DRC12: variants seen among roughly 807,000 people sequenced by gnomAD.
DRC12 encodes dynein regulatory complex subunit 12 homolog.
the DRC12 span, chr11:119,195,336 A>G: frequency 2.4e-6 from 3 of 1,233,868 alleles, no homozygotes; most frequent in Admixed American, 2.1e-5. Context: ...TGTCCTGCAG[A>G]AGGCTGAATT....
chr11:119,193,241 T>A, the DRC12 span: 1 of 1,613,806 alleles, frequency 6.2e-7, no homozygotes. Flanking sequence ...TGGCGACTCA[T>A]CTCTGGGGTG....
chr11:119,193,354 C>G, the DRC12 span: 2 of 938,574 alleles, frequency 2.1e-6, no homozygotes, highest in Admixed American at 4.1e-5. Flanking sequence ...GGAACAGGAG[C>G]ACAAAGGCCT....
the DRC12 span, chr11:119,193,874 C>T: frequency 6.4e-7 from 1 of 1,551,336 alleles, no homozygotes; most frequent in African/African-American, 1.4e-5. Flanking sequence ...CGGGCTTCAT[C>T]CCTCCGTAGA....
At chr11:119,195,168 A>T in the DRC12 span, 1 of 635,726 alleles carries the variant, frequency 1.6e-6, no homozygotes, top group Non-Finnish European at 2.8e-6. Context: ...ACCGACCAGC[A>T]CATAACAGAT....
At chr11:119,191,671 G>C in the DRC12 span, among the ~76,000 whole-genome samples, 1 of 151,750 alleles carries the variant, frequency 6.6e-6, no homozygotes, top group Non-Finnish European at 1.5e-5. Context: ...AGCCAGGCAT[G>C]GTGGCGCACA....
the DRC12 span, chr11:119,190,724 C>T: frequency 6.2e-7 from 1 of 1,613,694 alleles, no homozygotes; most frequent in African/African-American, 1.3e-5. This position sits in a 1 kb window ranked among gnomAD's most constrained non-coding sequence, Gnocchi z 4.2. Context: ...AAGATTTCCT[C>T]ATACTTCGCC....
At chr11:119,194,253 G>T in the DRC12 span, among the ~76,000 whole-genome samples, 360 of 152,018 alleles carry the variant, frequency 2.4e-3, no homozygotes, top group Non-Finnish European at 3.6e-3. Flanking sequence ...GGTGGCTCAC[G>T]CCTGTAATCC....
the DRC12 span, chr11:119,190,699 G>T: frequency 6.2e-7 from 1 of 1,611,530 alleles, no homozygotes; most frequent in South Asian, 1.1e-5. This position sits in a 1 kb window ranked among gnomAD's most constrained non-coding sequence, Gnocchi z 4.2. Context: ...GATCCAGGGG[G>T]TGGTGCTTAC....
chr11:119,195,509 G>A, the DRC12 span: 2 of 1,539,818 alleles, frequency 1.3e-6, no homozygotes, highest in Non-Finnish European at 8.8e-7. Flanking sequence ...CCTGGGAGAA[G>A]GAGGGGACCT....
At chr11:119,192,021 G>C in the DRC12 span, among the ~76,000 whole-genome samples, 1 of 150,358 alleles carries the variant, frequency 6.7e-6, no homozygotes, top group Non-Finnish European at 1.5e-5. Flanking sequence ...TGTTGCCGAG[G>C]CTGGAGTGCA....
the DRC12 span, among the ~76,000 whole-genome samples, chr11:119,191,610 GA>G: frequency 6.6e-6 from 1 of 151,480 alleles, no homozygotes; most frequent in South Asian, 2.1e-4. Context: ...AGTCCGAAAC[GA>G]GCCCGGCCAA....
At chr11:119,194,776 C>CT in the DRC12 span, 5 of 595,002 alleles carry the variant, frequency 8.4e-6, no homozygotes, top group Middle Eastern at 7.9e-4. Flanking sequence ...CACTGCCCAC[C>CT]CTCTCTCATC....
chr11:119,195,025 T>C, the DRC12 span: 7 of 1,529,210 alleles, frequency 4.6e-6, no homozygotes, highest in Admixed American at 5.9e-5. Flanking sequence ...GCCTCAGCTC[T>C]TCATGATCTC....
the DRC12 span, chr11:119,193,449 C>A: frequency 1.0e-6 from 1 of 964,958 alleles, no homozygotes; most frequent in Non-Finnish European, 1.5e-6. Flanking sequence ...CTCCCCCAGT[C>A]CAGCTTTGGA....
At chr11:119,190,657 C>T in the DRC12 span, 40 of 1,588,328 alleles carry the variant, frequency 2.5e-5, no homozygotes, top group African/African-American at 4.6e-4. This position sits in a 1 kb window ranked among gnomAD's most constrained non-coding sequence, Gnocchi z 4.2. Flanking sequence ...GGTTTGTGGG[C>T]ATGGGGGAGT....
At chr11:119,190,705 C>T in the DRC12 span, 6 of 1,612,726 alleles carry the variant, frequency 3.7e-6, no homozygotes, top group South Asian at 6.6e-5. The surrounding 1 kb of genome is among the most constrained non-coding windows in gnomAD (Gnocchi z 4.2). Context: ...GGGGGTGGTG[C>T]TTACGTGTAA....
chr11:119,192,231 C>G, the DRC12 span, among the ~76,000 whole-genome samples: 1 of 152,178 alleles, frequency 6.6e-6, no homozygotes, highest in Admixed American at 6.5e-5. Context: ...TTGCCTTGGC[C>G]TCCCAAAGTG....
At chr11:119,194,532 A>AG in the DRC12 span, among the ~76,000 whole-genome samples, 1 of 139,212 alleles carries the variant, frequency 7.2e-6, no homozygotes, top group South Asian at 2.4e-4. Context: ...AAAAAAAAAA[A>AG]AAAAAAAAAA....
At chr11:119,190,377 C>CTGCCCCATCCAGGGGAAGCCTTCCCTG in the DRC12 span, 1 of 1,613,606 alleles carries the variant, frequency 6.2e-7, no homozygotes, top group African/African-American at 1.3e-5. The surrounding 1 kb of genome is among the most constrained non-coding windows in gnomAD (Gnocchi z 4.2). Context: ...TTGTGCCTGG[C>CTGCCCCATCCAGGGGAAGCCTTCCCTG]GTGAAGTCTC....
Sources: gnomAD v4.1 joint callset for allele counts (sites outside exome capture counted in the v4.1 genomes callset) on GRCh38, gnomAD v4.1.1 for gene constraint, Gnocchi (gnomAD v3.1) non-coding constraint, MANE v1.5 for transcripts, NCBI Gene and HGNC (gene_info 2026-07-23, HGNC 2026-07-21) for gene names.